SFMBT2: variants seen among roughly 807,000 people sequenced by gnomAD.
The protein encoded by SFMBT2 is Scm like with four mbt domains 2.
SFMBT2 carries 38 observed loss-of-function variants against 110.1 expected under a neutral mutation model. The observed-to-expected ratio is 0.35, with a 90% CI of 0.27 to 0.45. The LOEUF is 0.45. Among genes scored for constraint, SFMBT2 ranks in the 20% least tolerant of loss-of-function variants. SFMBT2 has a pLI of 1.00. For synonymous variants in SFMBT2, 425 were observed against 425.4 expected, an observed-to-expected ratio of 1.00 and a Z score of 0.01; for missense variants, 1,011 against 1,094.9, an observed-to-expected ratio of 0.92 and a Z score of 1.08.
Position 7,273,411 on chromosome 10 carries a change from C to T in SFMBT2, c.870+3481G>A, listed in dbSNP as rs1001244700. On this transcript the variant is annotated intron_variant, in intron 7 of 20. Coordinates refer to ENST00000397167, the MANE Select transcript of SFMBT2 (RefSeq NM_001387889.1). ...AGAAACAGTGAACTTCAGCCTGCTC[C>T]TGAGAGCTAAGTTGTAAAATCAGAA... 2.6e-5 allele frequency among the ~76,000 whole-genome samples: 4 copies of T among 152,348 alleles called. No homozygotes were observed. The South Asian group carries it at 8.3e-4, about 32-fold the overall frequency.
intron 4 of SFMBT2, among the ~76,000 whole-genome samples, chr10:7,297,173 T>C (rs1391962862): frequency 1.3e-5 from 2 of 152,182 alleles, no homozygotes; most frequent in African/African-American, 4.8e-5. Flanking sequence ...AAAACAGCAA[T>C]GAATCAGTCA....
intron 4 of SFMBT2, among the ~76,000 whole-genome samples, chr10:7,299,726 T>C (rs1450886238): frequency 6.6e-6 from 1 of 152,130 alleles, no homozygotes; most frequent in East Asian, 1.9e-4. Flanking sequence ...AGCAATCCCA[T>C]TTATTTATAT....
chr10:7,319,175 G>GTC (rs1353629107), intron 4 of SFMBT2, among the ~76,000 whole-genome samples: 1 of 152,162 alleles, frequency 6.6e-6, no homozygotes, highest in Non-Finnish European at 1.5e-5. Context: ...AACAAAAAAC[G>GTC]TAAGTCCGCT....
chr10:7,388,469 T>C (rs1341618953), intron 1 of SFMBT2, among the ~76,000 whole-genome samples: 1 of 150,934 alleles, frequency 6.6e-6, no homozygotes, highest in Non-Finnish European at 1.5e-5. Flanking sequence ...GCAATTCTCC[T>C]GCCTCAGTCT....
chr10:7,375,357 T>C (rs1845171088), intron 2 of SFMBT2, among the ~76,000 whole-genome samples: 1 of 152,184 alleles, frequency 6.6e-6, no homozygotes, highest in South Asian at 2.1e-4. Context: ...AGGCTGACTT[T>C]ACAAGGCTGA....
intron 20 of SFMBT2, chr10:7,164,437 C>T (rs1439172135): frequency 1.0e-6 from 1 of 985,192 alleles, no homozygotes; most frequent in Non-Finnish European, 1.2e-6. Context: ...GCTAAGGGCA[C>T]TCTGGCTACT....
At chr10:7,232,858 A>C (rs1840145054) in intron 9 of SFMBT2, among the ~76,000 whole-genome samples, 2 of 152,216 alleles carry the variant, frequency 1.3e-5, no homozygotes. Context: ...TCCACTCAGC[A>C]CATGAAATAC....
chr10:7,263,324 C>A (rs1211239804), intron 7 of SFMBT2, among the ~76,000 whole-genome samples: 2 of 152,324 alleles, frequency 1.3e-5, no homozygotes, highest in East Asian at 3.9e-4. Context: ...TTACTTCAAA[C>A]TCCACCTCCC....
intron 4 of SFMBT2, among the ~76,000 whole-genome samples, chr10:7,354,434 G>A (rs1844431746): frequency 6.6e-6 from 1 of 152,146 alleles, no homozygotes; most frequent in Non-Finnish European, 1.5e-5. Flanking sequence ...ATGAGATCTC[G>A]ATACCTCAGT....
chr10:7,280,745 T>G (rs1345055444), intron 6 of SFMBT2, among the ~76,000 whole-genome samples: 4 of 152,122 alleles, frequency 2.6e-5, no homozygotes, highest in African/African-American at 9.7e-5. Flanking sequence ...TTTCCCCTCC[T>G]CCTTCCCCAA....
chr10:7,209,315 T>G (rs1839258639), intron 11 of SFMBT2, among the ~76,000 whole-genome samples: 1 of 152,230 alleles, frequency 6.6e-6, no homozygotes, highest in Non-Finnish European at 1.5e-5. Flanking sequence ...ACATTGCTTC[T>G]CGGCCTTTTG....
In SFMBT2 at chr10:7,171,038, C is replaced by T. The variant is rs142215982; in HGVS notation, c.2434G>A (p.Glu812Lys). ...TTGCTCTCCAGAACCAGTCTCTCCT[C>T]CTCCTCCTGTTTCGTGTCCTGCAGA... ...EGTEDTKQEE[E>K]ERLVLESNPL... Residue 812 changes from glutamate to lysine, a missense_variant, in exon 20 of 21, where the codon GAG becomes AAG. Around this residue, in one of 2 missense-constraint regions of SFMBT2, gnomAD observed 979 missense variants for 1,016.1 expected, o/e 0.96. Transcript: ENST00000397167. This position sits in a 1 kb window ranked among gnomAD's most constrained non-coding sequence, Gnocchi z 4.9. 3.1e-4 allele frequency: 504 copies of T among 1,614,178 alleles called. No individual in the cohort carries two copies. Among genetic ancestry groups the T allele is most frequent in the Non-Finnish European group, 3.9e-4 (462 of 1,180,026 alleles).
chr10:7,205,802 G>A lies in SFMBT2; in HGVS notation c.1444+13C>T, dbSNP rs746482075. ...TGGTGTCATCCACCCCCCCTCAACT[G>A]GGAACCACTTACAGACTGTTTTGTG... On this transcript the variant is annotated intron_variant, in intron 12 of 20. Coordinates refer to ENST00000397167, the MANE Select transcript of SFMBT2 (RefSeq NM_001387889.1). 8.7e-6 allele frequency: 14 copies of A among 1,611,328 alleles called. No homozygotes were observed. Among genetic ancestry groups the A allele is most frequent in the Non-Finnish European group, 1.1e-5 (13 of 1,178,194 alleles).
At chr10:7,380,255 T>C (rs965232460) in intron 2 of SFMBT2, among the ~76,000 whole-genome samples, 5 of 152,200 alleles carry the variant, frequency 3.3e-5, no homozygotes, top group African/African-American at 1.2e-4. Flanking sequence ...GGAACAATGA[T>C]CCAGCTTTAC....
intron 2 of SFMBT2, among the ~76,000 whole-genome samples, chr10:7,377,504 C>A (rs1220707234): frequency 1.3e-5 from 2 of 152,236 alleles, no homozygotes; most frequent in Admixed American, 1.3e-4. Flanking sequence ...CTGTAACTCA[C>A]CATGATATAG....
chr10:7,172,172 A>G lies in SFMBT2; in HGVS notation c.2152-14T>C, dbSNP rs1186475925. On this transcript the variant is annotated splice_polypyrimidine_tract_variant and intron_variant, in intron 18 of 20. Coordinates refer to ENST00000397167, the MANE Select transcript of SFMBT2 (RefSeq NM_001387889.1). This position sits in a 1 kb window ranked among gnomAD's most constrained non-coding sequence, Gnocchi z 4.6. ...CTCTTCACTTTCCTGGGAAGGAGGA[A>G]AAGGCATTTAAGGGGCTGGTGGCCC... 2.0e-6 allele frequency: 3 copies of G among 1,533,144 alleles called. No homozygotes were observed. The African/African-American group carries it at 4.2e-5, about 21-fold the overall frequency. The allele number at this position is 1,533,144 out of a possible 1,614,324, so 95.0% of individuals were successfully genotyped here.
rs756528566 is a variant in SFMBT2, at chr10:7,172,105, C to A, written c.2205G>T (p.Glu735Asp). ...DAMDDDTASE[E>D]TGSELRDDQT... ...GGTCATCCCGGAGCTCGGAGCCGGT[C>A]TCCTCACTGGCGGTGTCATCGTCCA... The change falls in exon 19 of 21, where the codon GAG (glutamate) becomes GAT (aspartate). Residue 735 changes from glutamate to aspartate, a missense_variant. By Grantham distance (45) the Glu-to-Asp change is conservative (BLOSUM62 2). Around this residue, in one of 2 missense-constraint regions of SFMBT2, gnomAD observed 979 missense variants for 1,016.1 expected, o/e 0.96. Coordinates refer to ENST00000397167, the MANE Select transcript of SFMBT2 (RefSeq NM_001387889.1). This position sits in a 1 kb window ranked among gnomAD's most constrained non-coding sequence, Gnocchi z 4.6. 7 of 1,602,650 alleles carry A rather than the reference C, an allele frequency of 4.4e-6. No individual in the cohort carries two copies. The East Asian group carries it at 1.6e-4, about 36-fold the overall frequency.
intron 15 of SFMBT2, among the ~76,000 whole-genome samples, chr10:7,195,598 T>C (rs1407396774): frequency 6.6e-6 from 1 of 152,192 alleles, no homozygotes; most frequent in Non-Finnish European, 1.5e-5. Context: ...TCTGGGTCCA[T>C]CCCTTGCAGT....
chr10:7,188,542 T>C, intron 16 of SFMBT2, 82 bp downstream of exon 16: 1 of 1,060,200 alleles, frequency 9.4e-7, no homozygotes, highest in South Asian at 1.4e-5. Flanking sequence ...CAGGGCTGTG[T>C]CACAAAGAGA....
Sources: allele counts gnomAD v4.1 joint callset (sites outside exome capture counted in the v4.1 genomes callset), GRCh38; gene constraint gnomAD v4.1.1; regional missense constraint gnomAD v4.1.1; non-coding constraint Gnocchi (gnomAD v3.1); transcripts MANE v1.5; gene names NCBI Gene and HGNC (gene_info 2026-07-23, HGNC 2026-07-21).